SHROOM3: variants seen among roughly 807,000 people sequenced by gnomAD.
The protein encoded by SHROOM3 is shroom family member 3.
SHROOM3 carries 47 observed loss-of-function variants against 138.6 expected under a neutral mutation model. The observed-to-expected ratio is 0.34, with a 90% CI of 0.27 to 0.43. SHROOM3 has a LOEUF of 0.43. Ranked by LOEUF, SHROOM3 falls within the 20% of genes least tolerant of loss-of-function variation. The pLI, the probability that SHROOM3 is intolerant of heterozygous loss-of-function variation, is 1.00. For synonymous variants in SHROOM3, 1,062 were observed against 1,063.3 expected (o/e 1.00, Z 0.02); for missense variants, 2,491 against 2,596.5 (o/e 0.96, Z 0.88).
At chr4:76,714,751 T>C (rs1389264) in intron 3 of SHROOM3, among the ~76,000 whole-genome samples, 50,657 of 152,078 alleles carry the variant, frequency 0.33, 9,920 homozygotes, top group East Asian at 0.53. Flanking sequence ...TTTTTCTACA[T>C]TTATTAATTA....
chr4:76,700,459 C>T (rs758030095), intron 2 of SHROOM3, among the ~76,000 whole-genome samples: 2 of 152,150 alleles, frequency 1.3e-5, no homozygotes, highest in East Asian at 1.9e-4. Flanking sequence ...GTGTCTACAC[C>T]GACTGTGTAA....
intron 1 of SHROOM3, among the ~76,000 whole-genome samples, chr4:76,443,769 A>G (rs576415332): frequency 6.6e-6 from 1 of 152,340 alleles, no homozygotes; most frequent in African/African-American, 2.4e-5. Context: ...TTCTGCCTTC[A>G]GAGGAAGCTT....
At chr4:76,538,350 T>C (rs1357000415) in intron 1 of SHROOM3, among the ~76,000 whole-genome samples, 2 of 152,154 alleles carry the variant, frequency 1.3e-5, no homozygotes, top group Non-Finnish European at 2.9e-5. Context: ...TAACAAGAGC[T>C]AGAGTCTGAC....
intron 3 of SHROOM3, among the ~76,000 whole-genome samples, chr4:76,712,752 T>G (rs1720268254): frequency 6.6e-6 from 1 of 152,252 alleles, no homozygotes; most frequent in African/African-American, 2.4e-5. Context: ...CAGTCACGTA[T>G]TGCTTAATGA....
chr4:76,643,730 T>C (rs1017877312), intron 2 of SHROOM3, among the ~76,000 whole-genome samples: 3 of 152,242 alleles, frequency 2.0e-5, no homozygotes, highest in African/African-American at 7.2e-5. Flanking sequence ...GTATTTGTTA[T>C]AAAAATTCAA....
chr4:76,689,613 C>T (rs1474939179), intron 2 of SHROOM3: 5 of 985,272 alleles, frequency 5.1e-6, no homozygotes, highest in Non-Finnish European at 6.0e-6. Context: ...CCGCGCGCCG[C>T]CTCCTCGGAG....
chr4:76,457,200 G>A (rs1257675078), intron 1 of SHROOM3, among the ~76,000 whole-genome samples: 3 of 152,140 alleles, frequency 2.0e-5, no homozygotes, highest in African/African-American at 4.8e-5. Flanking sequence ...TGGAAGTGGA[G>A]GGAGGTGGTT....
intron 2 of SHROOM3, chr4:76,645,382 G>T (rs1735791170): frequency 1.3e-5 from 2 of 152,128 alleles, no homozygotes; most frequent in Admixed American, 1.3e-4. Context: ...ACCTCATTTA[G>T]TGTCTCTACT....
At chr4:76,577,332 G>A (rs1404681768) in intron 2 of SHROOM3, among the ~76,000 whole-genome samples, 2 of 152,194 alleles carry the variant, frequency 1.3e-5, no homozygotes, top group Admixed American at 6.5e-5. Context: ...GCTGGGGAAG[G>A]TCTGATTGTT....
rs201496914 is a variant in SHROOM3, at chr4:76,740,228, G to C, written c.2055G>C (p.Gln685His). 41 of 1,613,454 alleles carry C rather than the reference G, an allele frequency of 2.5e-5. No individual in the cohort carries two copies. The African/African-American group carries it at 4.8e-4, about 19-fold the overall frequency. The change falls in exon 5 of 11, where the codon CAG (glutamine) becomes CAC (histidine). Residue 685 changes from glutamine to histidine, a missense_variant. By Grantham distance (24) the Gln-to-His change is conservative. Coordinates refer to ENST00000296043, the MANE Select transcript of SHROOM3 (RefSeq NM_020859.4). This position sits in a 1 kb window ranked among gnomAD's most constrained non-coding sequence, Gnocchi z 4.0. ...HSSLELGRGT[Q>H]EGYPGGRPTC... The stretch of plus-strand genomic sequence containing the variant: ...GCCTGGAGCTAGGCCGGGGAACCCA[G>C]GAGGGTTACCCCGGGGGCAGGCCCA...
chr4:76,507,668 AGCTGGGACTACAGGCGCCC>A (rs1210089783), intron 1 of SHROOM3, among the ~76,000 whole-genome samples: 8 of 151,516 alleles, frequency 5.3e-5, no homozygotes, highest in African/African-American at 1.9e-4. Flanking sequence ...CCTCCCGAGT[AGCTGGGACTACAGGCGCCC>A]GCCACCATGC....
intron 2 of SHROOM3, among the ~76,000 whole-genome samples, chr4:76,633,306 CT>C (rs1373370298): frequency 7.4e-6 from 1 of 134,956 alleles, no homozygotes; most frequent in Non-Finnish European, 1.5e-5. Context: ...GCACTCCAGC[CT>C]GGGGGACAGA....
At chr4:76,633,445 G>A (rs113165618) in intron 2 of SHROOM3, among the ~76,000 whole-genome samples, 4 of 151,772 alleles carry the variant, frequency 2.6e-5, no homozygotes, top group African/African-American at 9.6e-5. Context: ...TCACGAGGTC[G>A]GGAGATCGAG....
intron 1 of SHROOM3, among the ~76,000 whole-genome samples, chr4:76,468,683 A>T (rs1013426555): frequency 6.6e-6 from 1 of 151,926 alleles, no homozygotes; most frequent in African/African-American, 2.4e-5. Flanking sequence ...GTTTAATGTG[A>T]TACAGTGTTT....
At chr4:76,671,481 TTTGTGCTCTCCTCCATCC>T (rs1718882047) in intron 2 of SHROOM3, among the ~76,000 whole-genome samples, 1 of 152,232 alleles carries the variant, frequency 6.6e-6, no homozygotes, top group South Asian at 2.1e-4. Context: ...CACTTCCTCC[TTTGTGCTCTCCTCCATCC>T]ATACTGGCAT....
At chr4:76,742,087 T>G (rs1721278097) in intron 5 of SHROOM3, 161 bp downstream of exon 5, 1 of 933,470 alleles carries the variant, frequency 1.1e-6, no homozygotes, top group African/African-American at 1.6e-5. Context: ...GTTTCTCAAG[T>G]GTCCCTTACC....
intron 3 of SHROOM3, 88 bp downstream of exon 3, chr4:76,710,375 A>G: frequency 6.6e-7 from 1 of 1,517,386 alleles, no homozygotes. Flanking sequence ...AGTCGGGGGC[A>G]AGGATGGTCA....
At chr4:76,624,382 A>G (rs1391301992) in intron 2 of SHROOM3, among the ~76,000 whole-genome samples, 3 of 152,162 alleles carry the variant, frequency 2.0e-5, no homozygotes, top group Non-Finnish European at 4.4e-5. Flanking sequence ...ACAGTACATT[A>G]GAGCTCCAGA....
intron 2 of SHROOM3, among the ~76,000 whole-genome samples, chr4:76,597,915 A>G (rs1235614138): frequency 6.6e-6 from 1 of 152,136 alleles, no homozygotes; most frequent in Non-Finnish European, 1.5e-5. Context: ...TTTTTCTACA[A>G]TCTCCCAGGC....
Sources: allele counts gnomAD v4.1 joint callset (sites outside exome capture counted in the v4.1 genomes callset), GRCh38; gene constraint gnomAD v4.1.1; non-coding constraint Gnocchi (gnomAD v3.1); transcripts MANE v1.5; gene names NCBI Gene and HGNC (gene_info 2026-07-23, HGNC 2026-07-21).